Variants in PMFBP1 observed in about 807,000 individuals in gnomAD.
PMFBP1 encodes the protein polyamine modulated factor 1 binding protein 1, also known as polyamine-modulated factor 1-binding protein 1.
PMFBP1 carries 131 observed loss-of-function variants against 137.8 expected under a neutral mutation model. The ratio of observed to expected loss-of-function variants is 0.95; its 90% CI spans 0.82 to 1.10. PMFBP1 has a LOEUF of 1.10. Among genes scored for constraint, PMFBP1 ranks in the 50% least tolerant of loss-of-function variants. PMFBP1 has a pLI of 0.00. For synonymous variants in PMFBP1, 490 were observed against 450.4 expected, an observed-to-expected ratio of 1.09 and a Z score of -1.11; for missense variants, 1,199 against 1,175.4, an observed-to-expected ratio of 1.02 and a Z score of -0.29.
the PMFBP1 span, among the ~76,000 whole-genome samples, chr16:72,211,720 C>T: frequency 6.6e-6 from 1 of 152,116 alleles, no homozygotes; most frequent in African/African-American, 2.4e-5. Flanking sequence ...TAGGGCCCGG[C>T]ATAGTGGCTC....
chr16:72,171,506 T>C lies in PMFBP1; in HGVS notation c.-60-238A>G, dbSNP rs116941279. The C allele has an allele frequency of 4.5e-3, 1,856 of 416,880 alleles. 8 individuals carry two copies. The highest frequency in any genetic ancestry group is 6.3e-3 in the Non-Finnish European group (1,454 of 230,874). 25.8% of individuals were successfully genotyped at this position (416,880 alleles called of 1,614,324 possible). Reference sequence around the variant, plus strand: ...AACCACTACTTGGTGAACCAAACAGTTTCTGAATTTACCCTTCTTGGAAAG... The same window carrying C: ...AACCACTACTTGGTGAACCAAACAGCTTCTGAATTTACCCTTCTTGGAAAG... On this transcript the variant is annotated intron_variant, in intron 1 of 20. Coordinates refer to ENST00000237353, the MANE Select transcript of PMFBP1 (RefSeq NM_031293.3).
the PMFBP1 span, among the ~76,000 whole-genome samples, chr16:72,199,397 T>G: frequency 6.6e-6 from 1 of 152,194 alleles, no homozygotes; most frequent in African/African-American, 2.4e-5. Context: ...CTCATGCCTG[T>G]AATCCCAGTA....
chr16:72,137,625 A>ATG (rs2042652549), intron 7 of PMFBP1, among the ~76,000 whole-genome samples: 1 of 152,074 alleles, frequency 6.6e-6, no homozygotes, highest in African/African-American at 2.4e-5. Flanking sequence ...GGAGCAGGCA[A>ATG]TGGGGAGAGC....
At chr16:72,210,861 G>A in the PMFBP1 span, among the ~76,000 whole-genome samples, 1 of 152,070 alleles carries the variant, frequency 6.6e-6, no homozygotes, top group Non-Finnish European at 1.5e-5. Context: ...GACACATTAA[G>A]TTCGTCTCAT....
At chr16:72,202,000 A>C in the PMFBP1 span, among the ~76,000 whole-genome samples, 1 of 152,200 alleles carries the variant, frequency 6.6e-6, no homozygotes, top group African/African-American at 2.4e-5. Flanking sequence ...CTTGTAATAG[A>C]GTTATTTATT....
At chr16:72,189,084 C>T in the PMFBP1 span, among the ~76,000 whole-genome samples, 1 of 151,474 alleles carries the variant, frequency 6.6e-6, no homozygotes, top group South Asian at 2.1e-4. Context: ...TGAACAAATA[C>T]ACAGTACTTT....
intron 9 of PMFBP1, 121 bp downstream of exon 9, chr16:72,136,327 C>T: frequency 8.9e-7 from 1 of 1,127,494 alleles, no homozygotes; most frequent in Non-Finnish European, 1.3e-6. Flanking sequence ...GCCACCATCT[C>T]ACTGTGCTTG....
rs767149471 is a variant in PMFBP1, at chr16:72,154,210, C to A, written c.414+1G>T. 4.3e-6 allele frequency: 7 copies of A among 1,613,880 alleles called. No individual in the cohort carries two copies. The East Asian group carries it at 1.3e-4, about 31-fold the overall frequency. On this transcript the variant is annotated splice_donor_variant, in intron 4 of 20. Transcript: ENST00000237353. LOFTEE classifies it high-confidence loss of function. ...TATTTCCATGGTTAATCTGTCTATA[C>A]CTCATCTTCTTTCAGTTTGCAGTGA...
intron 12 of PMFBP1, 147 bp downstream of exon 12, chr16:72,130,066 G>C: frequency 1.0e-6 from 1 of 965,570 alleles, no homozygotes; most frequent in Non-Finnish European, 1.5e-6. Context: ...TGTTGCCTAG[G>C]CTGGTCTGGA....
the PMFBP1 span, among the ~76,000 whole-genome samples, chr16:72,196,795 T>G: frequency 0.58 from 88,890 of 152,070 alleles, 26,957 homozygotes; most frequent in African/African-American, 0.74. Flanking sequence ...ACCAATAATG[T>G]TTAGGAATTT....
chr16:72,241,537 G>A, the PMFBP1 span, among the ~76,000 whole-genome samples: 2 of 152,194 alleles, frequency 1.3e-5, no homozygotes, highest in African/African-American at 4.8e-5. Context: ...AGCCTTGCAA[G>A]AATATTTGAT....
intron 2 of PMFBP1, among the ~76,000 whole-genome samples, chr16:72,170,319 T>C (rs946002417): frequency 6.6e-6 from 1 of 151,900 alleles, no homozygotes; most frequent in Non-Finnish European, 1.5e-5. Flanking sequence ...TCTGCTCACC[T>C]CTTGGTAGGA....
the PMFBP1 span, among the ~76,000 whole-genome samples, chr16:72,184,679 C>T: frequency 6.6e-6 from 1 of 152,140 alleles, no homozygotes; most frequent in Non-Finnish European, 1.5e-5. Flanking sequence ...TGTTCTTAAC[C>T]ACTACTATAT....
rs1312374824 is a variant in PMFBP1 at position 72,134,843 on chromosome 16, G to GT, written c.1203+1604dup. Among the ~76,000 whole-genome samples, 87 of 152,162 alleles carry GT rather than the reference G, an allele frequency of 5.7e-4. 3 individuals carry two copies. The highest frequency in any genetic ancestry group is 5.7e-3 in the Admixed American group (87 of 15,276). On this transcript the variant is annotated intron_variant, in intron 9 of 20. Coordinates refer to ENST00000237353, the MANE Select transcript of PMFBP1 (RefSeq NM_031293.3). The stretch of plus-strand genomic sequence containing the variant: ...CCCTGTGTACAACCGCCATCAAGCT[G>GT]TTGGAGGGATTTATCAGTGTCTGAT...
At chr16:72,249,920 CAA>C in the PMFBP1 span, among the ~76,000 whole-genome samples, 1 of 30,106 alleles carries the variant, frequency 3.3e-5, no homozygotes, top group Middle Eastern at 0.025. Flanking sequence ...GACTCCATCG[CAA>C]AAAAAAAAAA....
At chr16:72,128,407 G>C in intron 14 of PMFBP1, 1 of 1,439,058 alleles carries the variant, frequency 6.9e-7, no homozygotes, top group Non-Finnish European at 9.1e-7. Context: ...TGGAAGACTT[G>C]ATGCCAAAGC....
At chr16:72,216,439 C>T in the PMFBP1 span, among the ~76,000 whole-genome samples, 1 of 152,070 alleles carries the variant, frequency 6.6e-6, no homozygotes, top group Non-Finnish European at 1.5e-5. Flanking sequence ...GACAAGGACA[C>T]CATCAGCAGC....
the PMFBP1 span, among the ~76,000 whole-genome samples, chr16:72,232,448 G>T: frequency 2.0e-5 from 3 of 152,098 alleles, no homozygotes; most frequent in Admixed American, 6.6e-5. Context: ...AGGTTAAAAA[G>T]GCTAAGAAAT....
chr16:72,124,099 C>T (rs71386949), intron 17 of PMFBP1, among the ~76,000 whole-genome samples: 4 of 151,882 alleles, frequency 2.6e-5, no homozygotes, highest in African/African-American at 9.7e-5. Flanking sequence ...AGCTTAACCT[C>T]CCCCCCGGCT....
Sources: allele counts gnomAD v4.1 joint callset (sites outside exome capture counted in the v4.1 genomes callset), GRCh38; gene constraint gnomAD v4.1.1; transcripts MANE v1.5; gene names NCBI Gene and HGNC (gene_info 2026-07-23, HGNC 2026-07-21).